TNPO1: variants seen among roughly 807,000 people sequenced by gnomAD.
TNPO1 encodes the protein transportin-1.
In TNPO1, 8 loss-of-function variants were observed where a neutral mutation model predicts 119.5. The observed-to-expected ratio is 0.07, with a 90% confidence interval of 0.04 to 0.12. The LOEUF (loss-of-function observed/expected upper bound fraction) is 0.12. TNPO1 is among the 10% of genes least tolerant of loss of function. The pLI, the probability that TNPO1 is intolerant of heterozygous loss-of-function variation, is 1.00. For missense variants in TNPO1, 576 were observed against 1,089.8 expected, an observed-to-expected ratio of 0.53 and a Z score of 6.64; for synonymous variants, 362 against 363.0, an observed-to-expected ratio of 1.00 and a Z score of 0.03.
intron 7 of TNPO1, among the ~76,000 whole-genome samples, chr5:72,873,070 G>A (rs1747525782): frequency 6.6e-6 from 1 of 152,052 alleles, no homozygotes; most frequent in African/African-American, 2.4e-5. Flanking sequence ...TTTTTGAAAT[G>A]TGAAAAATTG....
At chr5:72,884,689 C>T (rs1748491383) in intron 11 of TNPO1, among the ~76,000 whole-genome samples, 1 of 152,204 alleles carries the variant, frequency 6.6e-6, no homozygotes, top group South Asian at 2.1e-4. Flanking sequence ...GATTTTAAAC[C>T]TCTACTGCTC....
intron 4 of TNPO1, among the ~76,000 whole-genome samples, chr5:72,859,857 A>G (rs915827398): frequency 6.6e-6 from 1 of 152,190 alleles, no homozygotes; most frequent in African/African-American, 2.4e-5. Flanking sequence ...ATAAATACTG[A>G]GAAATATTAA....
chr5:72,851,824 A>G (rs926790694), intron 3 of TNPO1, among the ~76,000 whole-genome samples: 1 of 152,208 alleles, frequency 6.6e-6, no homozygotes, highest in Admixed American at 6.5e-5. Flanking sequence ...TGTTTGTATA[A>G]TAAGTTACTT....
intron 24 of TNPO1, among the ~76,000 whole-genome samples, chr5:72,906,396 A>T (rs781395856): frequency 7.3e-6 from 1 of 137,006 alleles, no homozygotes; most frequent in African/African-American, 2.7e-5. Context: ...GGTTCAAGCA[A>T]TTCTCCTGCC....
chr5:72,892,885 A>G (rs771603506), intron 15 of TNPO1, among the ~76,000 whole-genome samples: 1 of 151,380 alleles, frequency 6.6e-6, no homozygotes, highest in East Asian at 2.0e-4. Context: ...ATAATACTCA[A>G]TCTGTCCTTT....
In TNPO1 at chr5:72,861,927, G is replaced by A. The variant is rs182004425; in HGVS notation, c.462+13G>A. On this transcript the variant is annotated intron_variant, in intron 5 of 24. Transcript: ENST00000337273. ...TAATACCTGTGAGGTAAGGATATTT[G>A]TTTCATACATAATTGGGTGTTTTCT... 6 of 1,582,142 alleles carry A rather than the reference G, an allele frequency of 3.8e-6. No homozygotes were observed. In the South Asian group the frequency reaches 6.6e-5, roughly 18 times the overall value.
At chr5:72,837,034 C>T (rs1314107017) in intron 1 of TNPO1, among the ~76,000 whole-genome samples, 1 of 152,212 alleles carries the variant, frequency 6.6e-6, no homozygotes, top group South Asian at 2.1e-4. Flanking sequence ...CAGCTCTCCT[C>T]TTCTGAGCCC....
chr5:72,909,097 G>T lies in TNPO1; in HGVS notation c.*424G>T. ...CGCACAATAAAGGAAACCTAAGAAT[G>T]GGAGTTACAAATAGTAAAGAAGCTT... On this transcript the variant is annotated 3_prime_UTR_variant, in exon 25 of 25. Coordinates refer to ENST00000337273, the MANE Select transcript of TNPO1 (RefSeq NM_002270.4). 6.5e-6 allele frequency: 1 copy of T among 154,536 alleles called. No individual in the cohort carries two copies. The highest frequency in any genetic ancestry group is 1.7e-4 in the South Asian group (1 of 5,794). 9.6% of individuals were successfully genotyped at this position (154,536 alleles called of 1,614,324 possible).
rs143853772 is a variant in TNPO1 at position 72,833,260 on chromosome 5, G to A, written c.16-15125G>A. Among the ~76,000 whole-genome samples, 1,288 of 152,166 alleles carry A rather than the reference G, an allele frequency of 8.5e-3. 11 individuals are homozygous for A. The highest frequency in any genetic ancestry group is 0.015 in the South Asian group (71 of 4,818). On this transcript the variant is annotated intron_variant, in intron 1 of 24. Transcript: ENST00000337273. ...ATATTACATAATTATATAATGTTAT[G>A]TATTATGACAAACTAGTCCCAAGAT...
intron 1 of TNPO1, among the ~76,000 whole-genome samples, chr5:72,833,585 C>A (rs1262243813): frequency 6.6e-6 from 1 of 152,158 alleles, no homozygotes; most frequent in Non-Finnish European, 1.5e-5. Flanking sequence ...AATTGGCCAA[C>A]AACTTAATAT....
intron 24 of TNPO1, among the ~76,000 whole-genome samples, chr5:72,907,542 G>C (rs556820698): frequency 3.3e-5 from 5 of 152,260 alleles, no homozygotes; most frequent in Admixed American, 6.5e-5. Context: ...TGGCATGATT[G>C]GGTAGTAGAG....
intron 1 of TNPO1, among the ~76,000 whole-genome samples, chr5:72,817,497 A>G (rs1743752616): frequency 6.6e-6 from 1 of 152,204 alleles, no homozygotes; most frequent in Non-Finnish European, 1.5e-5. Context: ...TACTGATTTT[A>G]AAAATCAACT....
At chr5:72,826,076 C>G (rs941069255) in intron 1 of TNPO1, among the ~76,000 whole-genome samples, 1 of 152,054 alleles carries the variant, frequency 6.6e-6, no homozygotes, top group African/African-American at 2.4e-5. Flanking sequence ...CTTGCTGGCT[C>G]CACTCTCTGA....
At chr5:72,870,652 A>G (rs1455228864) in intron 6 of TNPO1, among the ~76,000 whole-genome samples, 1 of 152,310 alleles carries the variant, frequency 6.6e-6, no homozygotes, top group East Asian at 1.9e-4. Flanking sequence ...CAAAGAAAGC[A>G]CGTCACACTG....
chr5:72,898,300 A>G (rs2112479910), intron 20 of TNPO1, among the ~76,000 whole-genome samples: 1 of 152,264 alleles, frequency 6.6e-6, no homozygotes, highest in East Asian at 1.9e-4. Context: ...AGTGTAATGT[A>G]TATGAAAGTT....
Position 72,893,684 on chromosome 5 carries a change from G to A in TNPO1, c.2124G>A (p.Gln708=), listed in dbSNP as rs1054304263. Reference sequence around the variant, plus strand: ...GTGACCTCACAAAAGCTTGCTTTCAGCATGTTAAGCCTTGTATAGGTATGA... The same window carrying A: ...GTGACCTCACAAAAGCTTGCTTTCAACATGTTAAGCCTTGTATAGGTATGA... ...LLGDLTKACF[Q]HVKPCIADFM... The change falls in exon 18 of 25, where the codon CAG becomes CAA. Residue 708 remains glutamine, a synonymous_variant. Coordinates refer to ENST00000337273, the MANE Select transcript of TNPO1 (RefSeq NM_002270.4). The A allele has an allele frequency of 2.5e-6, 4 of 1,614,050 alleles. No individual in the cohort carries two copies. In the African/African-American group the frequency reaches 5.3e-5, roughly 22 times the overall value.
At chr5:72,885,053 C>A (rs1379773076) in intron 11 of TNPO1, among the ~76,000 whole-genome samples, 1 of 152,232 alleles carries the variant, frequency 6.6e-6, no homozygotes, top group African/African-American at 2.4e-5. Context: ...TTCTCTGTTG[C>A]CTCTTCAGTT....
At chr5:72,839,734 G>A (rs1313163028) in intron 1 of TNPO1, among the ~76,000 whole-genome samples, 1 of 152,160 alleles carries the variant, frequency 6.6e-6, no homozygotes, top group African/African-American at 2.4e-5. Flanking sequence ...AGAAATAATG[G>A]AAATTGCCAG....
chr5:72,884,265 G>A (rs1241363980), intron 11 of TNPO1, among the ~76,000 whole-genome samples: 5 of 152,272 alleles, frequency 3.3e-5, no homozygotes, highest in East Asian at 3.9e-4. Flanking sequence ...TCTAGTGGAC[G>A]TGAAGTGGTA....
Sources: gnomAD v4.1 joint callset for allele counts (sites outside exome capture counted in the v4.1 genomes callset) on GRCh38, gnomAD v4.1.1 for gene constraint, MANE v1.5 for transcripts, NCBI Gene and HGNC (gene_info 2026-07-23, HGNC 2026-07-21) for gene names.